Variants in ANK3 observed in about 807,000 individuals in gnomAD.
ANK3 encodes ankyrin-3.
ANK3 carries 57 observed loss-of-function variants against 370.9 expected under a neutral mutation model. The observed-to-expected ratio is 0.15, with a 90% CI of 0.12 to 0.19. The LOEUF is 0.19. ANK3 is among the 10% of genes least tolerant of loss of function. ANK3 has a pLI of 1.00. For synonymous variants in ANK3, 1,929 were observed against 1,946.3 expected (o/e 0.99, Z 0.23); for missense variants, 4,439 against 5,302.1 (o/e 0.84, Z 5.06).
chr10:60,328,353 T>C (rs1407114120), intron 1 of ANK3, among the ~76,000 whole-genome samples: 1 of 152,222 alleles, frequency 6.6e-6, no homozygotes, highest in Non-Finnish European at 1.5e-5. Flanking sequence ...GAAATAACAT[T>C]AAATTTGGAC....
At chr10:60,434,686 C>T (rs999177827) in intron 2 of ANK3, among the ~76,000 whole-genome samples, 5 of 152,190 alleles carry the variant, frequency 3.3e-5, no homozygotes, top group African/African-American at 1.2e-4. Context: ...AGGAACTATG[C>T]TCCCAATCTG....
intron 1 of ANK3, among the ~76,000 whole-genome samples, chr10:60,289,258 C>T (rs1449063108): frequency 7.0e-6 from 1 of 142,718 alleles, no homozygotes; most frequent in East Asian, 2.0e-4. Context: ...TTCATCTATG[C>T]CCTGCCTTTT....
At chr10:60,509,145 CTT>C (rs2076015434) in intron 2 of ANK3, among the ~76,000 whole-genome samples, 2 of 152,102 alleles carry the variant, frequency 1.3e-5, no homozygotes. Flanking sequence ...CCCTTAAACA[CTT>C]TGGTGTGCAC....
intron 1 of ANK3, among the ~76,000 whole-genome samples, chr10:60,280,977 G>A (rs1042908808): frequency 1.3e-5 from 2 of 152,188 alleles, no homozygotes; most frequent in African/African-American, 4.8e-5. Flanking sequence ...AGAATAAGCA[G>A]AGGAGGCAGA....
At chr10:60,247,172 C>T (rs753527901) in intron 7 of ANK3, among the ~76,000 whole-genome samples, 250 of 152,046 alleles carry the variant, frequency 1.6e-3, no homozygotes, top group Non-Finnish European at 1.6e-3. Context: ...CCCGCCACCA[C>T]GCCCAGCTAA....
intron 2 of ANK3, among the ~76,000 whole-genome samples, chr10:60,526,647 C>T (rs2076478424): frequency 6.6e-6 from 1 of 152,006 alleles, no homozygotes; most frequent in Non-Finnish European, 1.5e-5. Context: ...TCAGCTTTTC[C>T]CAGTGCCAAA....
rs374991499 is a variant in ANK3 at position 60,248,420 on chromosome 10, T to C, written c.798+13439A>G. 1.8e-3 allele frequency among the ~76,000 whole-genome samples: 277 copies of C among 152,298 alleles called. 1 individual carries two copies. The highest frequency in any genetic ancestry group is 5.9e-3 in the African/African-American group (247 of 41,564). Reference sequence around the variant, plus strand: ...TAAATATATATTTTTTCAGGCTACATTTCAGAGTTTCCATAATTCCATAAA... The same window carrying C: ...TAAATATATATTTTTTCAGGCTACACTTCAGAGTTTCCATAATTCCATAAA... On this transcript the variant is annotated intron_variant, in intron 7 of 43. Coordinates refer to ENST00000280772, the MANE Select transcript of ANK3 (RefSeq NM_020987.5).
chr10:60,079,627 TA>T (rs1422370616), intron 36 of ANK3, among the ~76,000 whole-genome samples: 2 of 152,190 alleles, frequency 1.3e-5, no homozygotes, highest in African/African-American at 4.8e-5. Flanking sequence ...ATTCACTAAT[TA>T]AAAAATAATT....
At chr10:60,597,145 T>TTA (rs2077998690) in intron 2 of ANK3, among the ~76,000 whole-genome samples, 1 of 152,136 alleles carries the variant, frequency 6.6e-6, no homozygotes, top group Non-Finnish European at 1.5e-5. Context: ...CAACTGTTCT[T>TTA]TTACAGAGTT....
At chr10:60,338,155 T>C (rs2053450646) in intron 1 of ANK3, among the ~76,000 whole-genome samples, 1 of 152,208 alleles carries the variant, frequency 6.6e-6, no homozygotes, top group Non-Finnish European at 1.5e-5. Flanking sequence ...AGGTTCAGTA[T>C]AGTGTGAAAC....
intron 5 of ANK3, among the ~76,000 whole-genome samples, chr10:60,267,210 G>T (rs1183517022): frequency 1.3e-5 from 2 of 152,048 alleles, no homozygotes; most frequent in East Asian, 3.9e-4. Flanking sequence ...CCTACTGTTT[G>T]TTCTGTAAAT....
chr10:60,116,599 A>C (rs1454608736), intron 25 of ANK3, among the ~76,000 whole-genome samples: 3 of 152,136 alleles, frequency 2.0e-5, no homozygotes. Flanking sequence ...TTATTAAAAA[A>C]AAAAGAAACA....
chr10:60,074,524 G>A lies in ANK3; in HGVS notation c.6357C>T (p.Asp2119=), dbSNP rs1370145535. The A allele has an allele frequency of 6.2e-7, 1 of 1,613,742 alleles. No homozygotes were observed. Among genetic ancestry groups the A allele is most frequent in the Admixed American group, 1.7e-5 (1 of 59,960 alleles). The change falls in exon 37 of 44, where the codon GAC becomes GAT. Residue 2119 remains aspartate, a synonymous_variant. Transcript: ENST00000280772. ...TGTCAGACAAGGGACTTTTATCTTG[G>A]TCGTGTTGAGAAAAGTCATCAGGAG... ...LESPDDFSQH[D]QDKSPLSDSG... is the part of the protein sequence containing the mutation.
At chr10:60,552,833 TG>T (rs1393456313) in intron 2 of ANK3, among the ~76,000 whole-genome samples, 1 of 152,100 alleles carries the variant, frequency 6.6e-6, no homozygotes, top group African/African-American at 2.4e-5. Context: ...GATTGAATCA[TG>T]GGGGTGGGTC....
At chr10:60,606,630 A>G (rs954947805) in intron 2 of ANK3, among the ~76,000 whole-genome samples, 1 of 152,176 alleles carries the variant, frequency 6.6e-6, no homozygotes, top group African/African-American at 2.4e-5. Context: ...CATCATTGGA[A>G]AAAACTGTTG....
chr10:60,389,971 T>G, upstream of ANK3: 1 of 443,376 alleles, frequency 2.3e-6, no homozygotes, highest in Non-Finnish European at 3.0e-6. Flanking sequence ...CCAGCGCTAA[T>G]TCTGAAAACC....
At chr10:60,641,475 C>T (rs1368413493) in intron 1 of ANK3, among the ~76,000 whole-genome samples, 22 of 151,108 alleles carry the variant, frequency 1.5e-4, no homozygotes, top group Middle Eastern at 6.8e-3. Context: ...GAAATAACGC[C>T]GCATATCTAC....
At chr10:60,128,254 C>T (rs1429404787) in intron 25 of ANK3, among the ~76,000 whole-genome samples, 1 of 152,110 alleles carries the variant, frequency 6.6e-6, no homozygotes, top group African/African-American at 2.4e-5. Context: ...CTGAGCAATG[C>T]AGATGTAGAG....
At chr10:60,343,377 CTAAGTTCAATGAG>C (rs1314599738) in intron 1 of ANK3, among the ~76,000 whole-genome samples, 1 of 152,034 alleles carries the variant, frequency 6.6e-6, no homozygotes, top group Non-Finnish European at 1.5e-5. Flanking sequence ...ATAGTACTCT[CTAAGTTCAATGAG>C]TAAAGACTTA....
Sources: gnomAD v4.1 joint callset for allele counts (sites outside exome capture counted in the v4.1 genomes callset) on GRCh38, gnomAD v4.1.1 for gene constraint, MANE v1.5 for transcripts, NCBI Gene and HGNC (gene_info 2026-07-23, HGNC 2026-07-21) for gene names.